The following RNF135 variants were observed in gnomAD, a reference collection of about 807,000 sequenced individuals.
The protein encoded by RNF135 is E3 ubiquitin-protein ligase RNF135.
In RNF135, 46 loss-of-function variants were observed where a neutral mutation model predicts 41.9. The ratio of observed to expected loss-of-function variants is 1.10; its 90% CI spans 0.87 to 1.40. The LOEUF (loss-of-function observed/expected upper bound fraction) is 1.40. RNF135 is among the 40% of genes most tolerant of loss of function. The probability of loss-of-function intolerance (pLI) is 0.00; values close to 1 mark genes in which losing one functional copy is unlikely to be tolerated. For missense variants in RNF135, 539 were observed against 549.8 expected (o/e 0.98, Z 0.20); for synonymous variants, 238 against 223.8 (o/e 1.06, Z -0.57).
intron 1 of RNF135, chr17:30,978,852 A>G (rs1906698243): frequency 7.2e-6 from 1 of 138,324 alleles, no homozygotes; most frequent in Non-Finnish European, 1.5e-5. Flanking sequence ...AACAAAGCAC[A>G]TCTTGCACCG....
At position 30,988,104 on chromosome 17, in the gene RNF135, A is replaced by G. The variant is rs754980948; in HGVS notation, c.677A>G (p.Gln226Arg). ...AAAGAGGCTCCTGAAGCACAAATGC[A>G]GGGTGAGCTGATCTTATTTATTGGA... The part of the protein sequence containing the change: ...TWKEAPEAQM[Q>R]GELLEAPSSS... Residue 226 changes from glutamine (Q) to arginine (R), a missense_variant and splice_region_variant, in exon 3 of 5, where the codon CAG (glutamine) becomes CGG (arginine). Around this residue, in one of 2 missense-constraint regions of RNF135, gnomAD observed 262 missense variants for 336.9 expected, o/e 0.78. Transcript: ENST00000328381. 6.2e-7 allele frequency: 1 copy of G among 1,613,890 alleles called. No individual in the cohort carries two copies. The highest frequency in any genetic ancestry group is 8.5e-7 in the Non-Finnish European group (1 of 1,179,814).
the RNF135 span, among the ~76,000 whole-genome samples, chr17:30,962,760 G>C: frequency 6.6e-6 from 1 of 152,174 alleles, no homozygotes; most frequent in African/African-American, 2.4e-5. Context: ...CACCGTGTCC[G>C]GCCTAAATTC....
In RNF135 at chr17:30,971,195, G is replaced by A. The variant is rs1298674413; in HGVS notation, c.122G>A (p.Cys41Tyr). 1 of 1,524,370 alleles carries A rather than the reference G, an allele frequency of 6.6e-7. No homozygotes were observed. The highest frequency in any genetic ancestry group is 8.8e-7 in the Non-Finnish European group (1 of 1,142,472). The allele number at this position is 1,524,370 out of a possible 1,614,324, so 94.4% of individuals were successfully genotyped here. Residue 41 changes from cysteine (C) to tyrosine (Y), a missense_variant, in exon 1 of 5, where the codon TGC becomes TAC. Coordinates refer to ENST00000328381, the MANE Select transcript of RNF135 (RefSeq NM_032322.4). Reference sequence around the variant, plus strand: ...ACGCTGCCCTGCGGCCACAGCTTCTGCCGCCACTGCCTGGAGGCCCTGTGG... The same window carrying A: ...ACGCTGCCCTGCGGCCACAGCTTCTACCGCCACTGCCTGGAGGCCCTGTGG... ...PATLPCGHSF[C>Y]RHCLEALWGA...
At position 30,978,441 on chromosome 17, in the gene RNF135, T is replaced by G. The variant is rs1025619676; in HGVS notation, c.373-6176T>G. Among the ~76,000 whole-genome samples the G allele has an allele frequency of 2.0e-5, 3 of 152,254 alleles. No individual in the cohort carries two copies. In the East Asian group the frequency reaches 5.8e-4, roughly 29 times the overall value. On this transcript the variant is annotated intron_variant, in intron 1 of 4. Transcript: ENST00000328381. ...TTCTCTTTTTTCTTTTGTCTCTTCT[T>G]ACTGTGTATTTTCAAATAGGCTGAA...
chr17:30,983,320 CAT>C (rs1189144519), intron 1 of RNF135, among the ~76,000 whole-genome samples: 43 of 37,070 alleles, frequency 1.2e-3, no homozygotes, highest in African/African-American at 1.5e-3. Context: ...CATATATGTA[CAT>C]ATATATATAT....
intron 2 of RNF135, among the ~76,000 whole-genome samples, chr17:30,985,827 C>G (rs1907538363): frequency 6.6e-6 from 1 of 152,144 alleles, no homozygotes; most frequent in African/African-American, 2.4e-5. Context: ...CTCTGTCTGC[C>G]TCTCAAATCT....
intron 2 of RNF135, among the ~76,000 whole-genome samples, chr17:30,985,054 A>G (rs1201406924): frequency 6.6e-6 from 1 of 152,130 alleles, no homozygotes; most frequent in Non-Finnish European, 1.5e-5. Flanking sequence ...GCCTGTCTTC[A>G]TTGACCTTTC....
intron 3 of RNF135, among the ~76,000 whole-genome samples, chr17:30,990,226 C>A (rs2032019202): frequency 6.6e-6 from 1 of 151,418 alleles, no homozygotes; most frequent in African/African-American, 2.4e-5. Flanking sequence ...ATTTCATATT[C>A]AAAAATCAAA....
chr17:30,961,008 G>A, the RNF135 span, among the ~76,000 whole-genome samples: 1 of 151,992 alleles, frequency 6.6e-6, no homozygotes, highest in Non-Finnish European at 1.5e-5. Context: ...CAAAGTGCTG[G>A]GATTACAGGC....
At chr17:30,983,340 TATATATATATA>T (rs1485697538) in intron 1 of RNF135, among the ~76,000 whole-genome samples, 705 of 32,946 alleles carry the variant, frequency 0.021, 13 homozygotes, top group African/African-American at 0.05. Flanking sequence ...TATATATATA[TATATATATATA>T]TATTTTTTTT....
chr17:30,961,318 C>T, the RNF135 span, among the ~76,000 whole-genome samples: 835 of 152,242 alleles, frequency 5.5e-3, 2 homozygotes, highest in Non-Finnish European at 7.7e-3. Flanking sequence ...ATCATGCTGA[C>T]CATTCAGTCA....
chr17:30,982,543 G>A (rs894363467), intron 1 of RNF135, among the ~76,000 whole-genome samples: 4 of 152,158 alleles, frequency 2.6e-5, no homozygotes, highest in African/African-American at 9.7e-5. Flanking sequence ...TTCAGTGCCT[G>A]TTTCAGTAAT....
upstream of RNF135, among the ~76,000 whole-genome samples, chr17:30,966,662 A>AT (rs764054702): frequency 1.9e-3 from 257 of 136,572 alleles, no homozygotes; most frequent in East Asian, 8.0e-3. Flanking sequence ...TGCCTGGCTA[A>AT]TTTTTTTTTT....
At chr17:30,965,611 C>A in the RNF135 span, 5 of 152,230 alleles carry the variant, frequency 3.3e-5, no homozygotes, top group Non-Finnish European at 7.3e-5. Flanking sequence ...ATACTGTAAT[C>A]ACCCAACGGG....
chr17:30,966,402 TTA>T (rs1298249393), upstream of RNF135, among the ~76,000 whole-genome samples: 1 of 135,200 alleles, frequency 7.4e-6, no homozygotes, highest in African/African-American at 3.6e-5. Context: ...TATTATTTTT[TTA>T]TTTTATTTTA....
At chr17:30,990,556 C>T (rs946399974) in intron 3 of RNF135, among the ~76,000 whole-genome samples, 1 of 152,162 alleles carries the variant, frequency 6.6e-6, no homozygotes, top group African/African-American at 2.4e-5. Flanking sequence ...AAAGGGCATA[C>T]TGCCCAGTCT....
chr17:30,967,620 G>T (rs191528950), upstream of RNF135, among the ~76,000 whole-genome samples: 1 of 152,018 alleles, frequency 6.6e-6, no homozygotes, highest in African/African-American at 2.4e-5. Context: ...TTTCATGCAT[G>T]AAATATATTG....
At chr17:30,978,760 C>T (rs1192448062) in intron 1 of RNF135, 2 of 124,722 alleles carry the variant, frequency 1.6e-5, no homozygotes, top group Non-Finnish European at 3.3e-5. Context: ...TGCGGCCTTC[C>T]GCAGTGTTTG....
chr17:30,971,265 G>A lies in RNF135; in HGVS notation c.192G>A (p.Gln64=), dbSNP rs915062105. 1 of 1,523,766 alleles carries A rather than the reference G, an allele frequency of 6.6e-7. No homozygotes were observed. The highest frequency in any genetic ancestry group is 8.8e-7 in the Non-Finnish European group (1 of 1,140,450). 94.4% of individuals were successfully genotyped at this position (1,523,766 alleles called of 1,614,324 possible). Residue 64 remains glutamine (Q), a synonymous_variant, in exon 1 of 5, where the codon CAG becomes CAA. Coordinates refer to ENST00000328381, the MANE Select transcript of RNF135 (RefSeq NM_032322.4). ...ARRWACPTCR[Q]GAAQQPHLRK... Reference sequence around the variant, plus strand: ...GCTGGGCCTGCCCCACTTGCCGCCAGGGCGCCGCGCAGCAGCCGCACCTGC... The same window carrying A: ...GCTGGGCCTGCCCCACTTGCCGCCAAGGCGCCGCGCAGCAGCCGCACCTGC...
Sources: allele counts gnomAD v4.1 joint callset (sites outside exome capture counted in the v4.1 genomes callset), GRCh38; gene constraint gnomAD v4.1.1; regional missense constraint gnomAD v4.1.1; transcripts MANE v1.5; gene names NCBI Gene and HGNC (gene_info 2026-07-23, HGNC 2026-07-21).